Variants in CD163L1 observed in about 807,000 individuals in gnomAD.
CD163L1 encodes the protein CD163 molecule like 1.
Under a neutral mutation model 165.4 loss-of-function variants are expected in CD163L1, and 124 were observed. The observed-to-expected ratio is 0.75, with a 90% CI of 0.65 to 0.87. The LOEUF (loss-of-function observed/expected upper bound fraction) is 0.87. Ranked by LOEUF, CD163L1 falls within the 40% of genes least tolerant of loss-of-function variation. The pLI is 0.00. For synonymous variants in CD163L1, 585 were observed against 662.2 expected (o/e 0.88, Z 1.79); for missense variants, 1,525 against 1,799.9 (o/e 0.85, Z 2.76).
In CD163L1 at chr12:7,432,538, C is replaced by T. The variant is rs139153315; in HGVS notation, c.644G>A (p.Arg215His). ...TAAAATGTCATCCAGCCAAATGGGG[C>T]GCAATACAGCAGGGCTATTAACAAC... ...SGVVNSPAVLRPIWLDDILCQ... is the reference protein window; with the variant it reads ...SGVVNSPAVLHPIWLDDILCQ... Residue 215 changes from arginine to histidine, a missense_variant, in exon 4 of 20, where the codon CGC becomes CAC. By Grantham distance (29) the Arg-to-His change is conservative. Transcript: ENST00000313599. The surrounding 1 kb of genome is among the most constrained non-coding windows in gnomAD (Gnocchi z 4.2). The T allele has an allele frequency of 5.0e-6, 8 of 1,613,992 alleles. No homozygotes were observed. The highest frequency in any genetic ancestry group is 4.0e-5 in the African/African-American group (3 of 74,888).
intron 6 of CD163L1, among the ~76,000 whole-genome samples, chr12:7,403,263 T>C (rs1201538446): frequency 6.6e-6 from 1 of 152,178 alleles, no homozygotes; most frequent in Non-Finnish European, 1.5e-5. Context: ...ACTCATTAGT[T>C]TTCTATGAAG....
chr12:7,404,399 G>A (rs1416591190), intron 5 of CD163L1, among the ~76,000 whole-genome samples: 1 of 151,896 alleles, frequency 6.6e-6, no homozygotes, highest in African/African-American at 2.4e-5. Context: ...GAAGAAGCAA[G>A]CCTTTGCTTA....
intron 18 of CD163L1, among the ~76,000 whole-genome samples, chr12:7,363,724 A>G (rs1037470890): frequency 4.6e-5 from 7 of 151,430 alleles, no homozygotes; most frequent in African/African-American, 1.7e-4. Context: ...ACACCGTGCC[A>G]TGAAAAAATA....
chr12:7,371,334 C>G (rs762841464), intron 14 of CD163L1, among the ~76,000 whole-genome samples: 1 of 152,138 alleles, frequency 6.6e-6, no homozygotes, highest in Non-Finnish European at 1.5e-5. Context: ...TAACAAATTA[C>G]TACCCAAAAT....
chr12:7,355,823 G>A (rs1946762456), intron 19 of CD163L1, among the ~76,000 whole-genome samples: 1 of 152,090 alleles, frequency 6.6e-6, no homozygotes, highest in African/African-American at 2.4e-5. Context: ...GAAGATGACT[G>A]CCTGCAAGGG....
chr12:7,406,502 C>A (rs1279982599), intron 5 of CD163L1, 30 bp downstream of exon 5: 1 of 1,588,084 alleles, frequency 6.3e-7, no homozygotes, highest in Non-Finnish European at 8.5e-7. Flanking sequence ...GAAATTTTAT[C>A]TGATGTAATC....
chr12:7,438,214 A>C (rs1948765385), intron 2 of CD163L1, among the ~76,000 whole-genome samples: 1 of 152,188 alleles, frequency 6.6e-6, no homozygotes, highest in Admixed American at 6.5e-5. Flanking sequence ...ATAAATTCCC[A>C]AAACTGGAAA....
At chr12:7,401,223 C>G (rs11053688) in intron 6 of CD163L1, among the ~76,000 whole-genome samples, 1 of 151,752 alleles carries the variant, frequency 6.6e-6, no homozygotes, top group African/African-American at 2.4e-5. Flanking sequence ...CATGAAGATT[C>G]CATGAACCCA....
chr12:7,369,271 A>G lies in CD163L1; in HGVS notation c.4039+86T>C, dbSNP rs1947093036. 7.3e-7 allele frequency: 1 copy of G among 1,363,254 alleles called. No individual in the cohort carries two copies. The highest frequency in any genetic ancestry group is 2.0e-5 in the Admixed American group (1 of 51,070). 84.4% of individuals were successfully genotyped at this position (1,363,254 alleles called of 1,614,324 possible). ...TTCAACAAGAAATCCTAGTATCTTC[A>G]GCTCAACTCTCTGAGTGAGCCTGTT... On this transcript the variant is annotated intron_variant, in intron 15 of 19. Transcript: ENST00000313599. The surrounding 1 kb of genome is among the most constrained non-coding windows in gnomAD (Gnocchi z 4.9).
At chr12:7,393,677 T>G (rs1458502428) in intron 8 of CD163L1, among the ~76,000 whole-genome samples, 1 of 152,124 alleles carries the variant, frequency 6.6e-6, no homozygotes, top group African/African-American at 2.4e-5. Flanking sequence ...AAAACCCCAT[T>G]GTCTCAGCCC....
chr12:7,414,849 T>C (rs1948206778), intron 4 of CD163L1, among the ~76,000 whole-genome samples: 1 of 152,104 alleles, frequency 6.6e-6, no homozygotes, highest in Non-Finnish European at 1.5e-5. Context: ...ATCAAGAACA[T>C]TATACTTGGT....
downstream of CD163L1, among the ~76,000 whole-genome samples, chr12:7,346,064 C>A (rs1478107982): frequency 6.6e-6 from 1 of 152,058 alleles, no homozygotes; most frequent in African/African-American, 2.4e-5. Context: ...TTGGGTGGAA[C>A]AAATATCCAA....
At position 7,439,112 on chromosome 12, in the gene CD163L1, C is replaced by T. The variant is rs1047246605; in HGVS notation, c.124+2042G>A. On this transcript the variant is annotated intron_variant, in intron 2 of 19. Coordinates refer to ENST00000313599, the MANE Select transcript of CD163L1 (RefSeq NM_174941.6). Reference sequence around the variant, plus strand: ...GTCCTGCCCTGCTCTCTCTCTTGCACTTTTAGTGTTTTGTTTCTCTTCTCT... The same window carrying T: ...GTCCTGCCCTGCTCTCTCTCTTGCATTTTTAGTGTTTTGTTTCTCTTCTCT... 98 of 1,573,608 alleles carry T rather than the reference C, an allele frequency of 6.2e-5. 1 individual carries two copies. Among genetic ancestry groups the T allele is most frequent in the Middle Eastern group, 1.7e-4 (1 of 5,850 alleles).
downstream of CD163L1, among the ~76,000 whole-genome samples, chr12:7,345,362 T>C (rs762426124): frequency 3.3e-5 from 5 of 152,170 alleles, no homozygotes; most frequent in African/African-American, 1.2e-4. Context: ...CATAGATCCC[T>C]AGGGCATGAA....
intron 2 of CD163L1, among the ~76,000 whole-genome samples, chr12:7,434,082 AAGG>A (rs1225555453): frequency 1.3e-5 from 2 of 152,202 alleles, no homozygotes; most frequent in Non-Finnish European, 2.9e-5. Context: ...CACATTTTTG[AAGG>A]AGATGTTTTA....
intron 9 of CD163L1, among the ~76,000 whole-genome samples, 199 bp from the exon 10 acceptor site, chr12:7,376,213 G>A (rs1457329848): frequency 6.6e-6 from 1 of 151,952 alleles, no homozygotes; most frequent in East Asian, 1.9e-4. Context: ...CTATGTCTTG[G>A]TGACCCACCA....
At chr12:7,366,053 C>T (rs755482884) in intron 18 of CD163L1, among the ~76,000 whole-genome samples, 28 of 152,114 alleles carry the variant, frequency 1.8e-4, no homozygotes, top group South Asian at 1.5e-3. Context: ...GGTATATATA[C>T]GCACACATTT....
Position 7,371,898 on chromosome 12 carries a change from A to T in CD163L1, c.3730+1422T>A, listed in dbSNP as rs146684851. ...ATATGAATATATATAAAATATATAC[A>T]CACATATGATACTCAAGAGTGTAAT... On this transcript the variant is annotated intron_variant, in intron 14 of 19. Transcript: ENST00000313599. Among the ~76,000 whole-genome samples, 735 of 152,132 alleles carry T rather than the reference A, an allele frequency of 4.8e-3. 29 individuals are homozygous for T. The East Asian group carries it at 0.07, about 14-fold the overall frequency.
chr12:7,440,747 C>T (rs963341814), intron 2 of CD163L1, among the ~76,000 whole-genome samples: 4 of 151,788 alleles, frequency 2.6e-5, no homozygotes, highest in African/African-American at 9.7e-5. Context: ...CCACTTCAGC[C>T]CCCCAAGTAG....
Sources: allele counts gnomAD v4.1 joint callset (sites outside exome capture counted in the v4.1 genomes callset), GRCh38; gene constraint gnomAD v4.1.1; non-coding constraint Gnocchi (gnomAD v3.1); transcripts MANE v1.5; gene names NCBI Gene and HGNC (gene_info 2026-07-23, HGNC 2026-07-21).